STK32A: variants seen among roughly 807,000 people sequenced by gnomAD.
STK32A encodes serine/threonine-protein kinase 32A.
A neutral mutation model predicts 53.2 loss-of-function variants in STK32A; 41 were observed. The ratio of observed to expected loss-of-function variants is 0.77; its 90% CI spans 0.60 to 1.00. STK32A has a LOEUF of 1.00. Ranked by LOEUF, STK32A falls within the 50% of genes least tolerant of loss-of-function variation. The pLI is 0.00. For missense variants in STK32A, 458 were observed against 485.8 expected, an observed-to-expected ratio of 0.94 and a Z score of 0.54; for synonymous variants, 166 against 162.8, an observed-to-expected ratio of 1.02 and a Z score of -0.15.
intron 5 of STK32A, among the ~76,000 whole-genome samples, chr5:147,325,290 C>A (rs1169853041): frequency 2.0e-5 from 3 of 151,364 alleles, no homozygotes; most frequent in African/African-American, 7.3e-5. Flanking sequence ...TTGACATTGA[C>A]CTGTAATTTA....
chr5:147,265,867 A>C (rs1754787680), intron 2 of STK32A, among the ~76,000 whole-genome samples: 1 of 152,172 alleles, frequency 6.6e-6, no homozygotes, highest in African/African-American at 2.4e-5. Context: ...CAAAACATTC[A>C]TCTCATTCAT....
At chr5:147,261,360 C>A (rs968070645) in intron 2 of STK32A, among the ~76,000 whole-genome samples, 4 of 152,178 alleles carry the variant, frequency 2.6e-5, no homozygotes, top group African/African-American at 9.7e-5. Context: ...GGGTTCTTAT[C>A]TCTGATGCAT....
chr5:147,267,393 T>C (rs2151949712), intron 2 of STK32A, among the ~76,000 whole-genome samples: 1 of 152,276 alleles, frequency 6.6e-6, no homozygotes, highest in South Asian at 2.1e-4. Context: ...ATCATGGAAC[T>C]TGGAGCCACA....
At chr5:147,236,850 T>G (rs1488632992) in intron 1 of STK32A, among the ~76,000 whole-genome samples, 1 of 152,170 alleles carries the variant, frequency 6.6e-6, no homozygotes, top group Non-Finnish European at 1.5e-5. Flanking sequence ...TTGGTATATC[T>G]TATGTTGCAG....
intron 8 of STK32A, among the ~76,000 whole-genome samples, chr5:147,369,568 A>T (rs781432066): frequency 2.0e-5 from 3 of 152,222 alleles, no homozygotes; most frequent in Non-Finnish European, 2.9e-5. Context: ...AATTGAGTGG[A>T]GAAGTTTAGC....
At chr5:147,256,880 TC>T (rs1220252679) in intron 2 of STK32A, among the ~76,000 whole-genome samples, 2 of 152,120 alleles carry the variant, frequency 1.3e-5, no homozygotes, top group African/African-American at 4.8e-5. Context: ...GAGCAACTGT[TC>T]CGTTGTGAGA....
intron 4 of STK32A, among the ~76,000 whole-genome samples, chr5:147,287,200 G>A (rs1752385923): frequency 6.6e-6 from 1 of 152,178 alleles, no homozygotes; most frequent in East Asian, 1.9e-4. Context: ...AAATGGCAGA[G>A]AAGCTTGCAG....
the STK32A span, chr5:147,397,820 C>A: frequency 6.2e-7 from 1 of 1,612,682 alleles, no homozygotes; most frequent in Non-Finnish European, 8.5e-7. Flanking sequence ...CAGCTCCATC[C>A]CTTCAAAGAT....
chr5:147,377,308 T>G (rs1028427963), intron 11 of STK32A, among the ~76,000 whole-genome samples: 3 of 152,144 alleles, frequency 2.0e-5, no homozygotes, highest in Non-Finnish European at 2.9e-5. Context: ...TTAAATTTTT[T>G]GATACCTGTT....
At chr5:147,276,417 T>C (rs1003829595) in intron 2 of STK32A, among the ~76,000 whole-genome samples, 17 of 152,238 alleles carry the variant, frequency 1.1e-4, no homozygotes, top group African/African-American at 4.1e-4. Flanking sequence ...CTTCTTATTT[T>C]AGCTACATTT....
intron 2 of STK32A, among the ~76,000 whole-genome samples, chr5:147,243,089 A>AGGTCAAGAGATCGAAACCATCC (rs1561663378): frequency 4.6e-5 from 6 of 129,858 alleles, no homozygotes; most frequent in Admixed American, 2.4e-4. Flanking sequence ...AAGAATCCCA[A>AGGTCAAGAGATCGAAACCATCC]TATGTGATTT....
chr5:147,373,545 T>C (rs562267225), intron 10 of STK32A, among the ~76,000 whole-genome samples: 1 of 152,214 alleles, frequency 6.6e-6, no homozygotes, highest in South Asian at 2.1e-4. Context: ...TTTAACCACT[T>C]TTTATGGTCT....
intron 10 of STK32A, among the ~76,000 whole-genome samples, chr5:147,374,058 G>A (rs1757122278): frequency 6.6e-6 from 1 of 152,104 alleles, no homozygotes; most frequent in South Asian, 2.1e-4. Context: ...ACTTTAGGAG[G>A]CCGAGGCAGG....
At chr5:147,262,551 T>C (rs1754625499) in intron 2 of STK32A, among the ~76,000 whole-genome samples, 1 of 151,364 alleles carries the variant, frequency 6.6e-6, no homozygotes. Flanking sequence ...TCCTGTAAGG[T>C]AGGTATCATT....
downstream of STK32A, among the ~76,000 whole-genome samples, chr5:147,389,014 C>A (rs1273589941): frequency 6.6e-6 from 1 of 152,182 alleles, no homozygotes; most frequent in African/African-American, 2.4e-5. Context: ...CATCAAAACT[C>A]GAACTTCAAC....
At chr5:147,390,563 T>A (rs1757772294), downstream of STK32A, among the ~76,000 whole-genome samples, 1 of 150,910 alleles carries the variant, frequency 6.6e-6, no homozygotes, top group Non-Finnish European at 1.5e-5. Flanking sequence ...CATATAATAC[T>A]AAATTTGATG....
chr5:147,314,729 GCTTT>G (rs1162633516), intron 4 of STK32A, among the ~76,000 whole-genome samples: 1 of 142,524 alleles, frequency 7.0e-6, no homozygotes, highest in African/African-American at 2.7e-5. Context: ...CATACCTATT[GCTTT>G]CTTTTTCTTT....
chr5:147,365,621 C>T (rs1341389018), intron 8 of STK32A, among the ~76,000 whole-genome samples: 1 of 151,882 alleles, frequency 6.6e-6, no homozygotes, highest in African/African-American at 2.4e-5. Context: ...TTTCCCACTT[C>T]ACCCTTAATT....
intron 2 of STK32A, among the ~76,000 whole-genome samples, chr5:147,262,557 T>G (rs1174205305): frequency 6.6e-6 from 1 of 150,998 alleles, no homozygotes; most frequent in African/African-American, 2.4e-5. Flanking sequence ...AAGGTAGGTA[T>G]CATTCATTAT....
Sources: allele counts gnomAD v4.1 joint callset (sites outside exome capture counted in the v4.1 genomes callset), GRCh38; gene constraint gnomAD v4.1.1; transcripts MANE v1.5; gene names NCBI Gene and HGNC (gene_info 2026-07-23, HGNC 2026-07-21).